Variants in ZNF804B observed in about 807,000 individuals in gnomAD.
ZNF804B encodes zinc finger 804B.
In ZNF804B, 80 loss-of-function variants were observed where a neutral mutation model predicts 101.4. The observed-to-expected ratio is 0.79, with a 90% CI of 0.66 to 0.95. The LOEUF (loss-of-function observed/expected upper bound fraction) is 0.95. Among genes scored for constraint, ZNF804B ranks in the 40% least tolerant of loss-of-function variants. The pLI is 0.00. For missense variants in ZNF804B, 1,673 were observed against 1,561.9 expected (o/e 1.07, Z -1.20); for synonymous variants, 622 against 558.8 (o/e 1.11, Z -1.59).
rs978228990 is a variant in ZNF804B at position 88,956,312 on chromosome 7, T to A, written c.108+196228T>A. Among the ~76,000 whole-genome samples, 4 of 151,692 alleles carry A rather than the reference T, an allele frequency of 2.6e-5. No homozygotes were observed. The Middle Eastern group carries it at 0.014, about 516-fold the overall frequency. ...ATGTTTATTGCACCACTATTAACAA[T>A]TGCCAAGATATGGAATCAATCTAAG... On this transcript the variant is annotated intron_variant, in intron 1 of 3. Coordinates refer to ENST00000333190, the MANE Select transcript of ZNF804B (RefSeq NM_181646.5).
intron 1 of ZNF804B, among the ~76,000 whole-genome samples, chr7:89,064,171 G>A (rs1789417892): frequency 6.6e-6 from 1 of 152,280 alleles, no homozygotes; most frequent in South Asian, 2.1e-4. Flanking sequence ...GTTACCCAGA[G>A]TTGTCCTACC....
chr7:89,230,291 G>A (rs2115736451), intron 2 of ZNF804B, among the ~76,000 whole-genome samples: 1 of 125,456 alleles, frequency 8.0e-6, no homozygotes, highest in South Asian at 2.8e-4. Flanking sequence ...TAAGGAGAGA[G>A]ATAGACATGG....
chr7:89,199,026 T>C (rs902322065), intron 1 of ZNF804B, among the ~76,000 whole-genome samples: 1 of 151,902 alleles, frequency 6.6e-6, no homozygotes, highest in African/African-American at 2.4e-5. Flanking sequence ...ATTAAGTGTC[T>C]GGCTGAGGCT....
chr7:89,093,116 C>T (rs907410504), intron 1 of ZNF804B, among the ~76,000 whole-genome samples: 4 of 152,016 alleles, frequency 2.6e-5, no homozygotes, highest in Non-Finnish European at 4.4e-5. Context: ...AGCTATCTCC[C>T]TTAACTTATT....
rs573982842 is a variant in ZNF804B, at chr7:89,337,178, C to T, written c.*146C>T. 7.0e-6 allele frequency: 6 copies of T among 861,220 alleles called. No individual in the cohort carries two copies. The African/African-American group carries it at 1.0e-4, about 15-fold the overall frequency. 53.3% of individuals were successfully genotyped at this position (861,220 alleles called of 1,614,324 possible). Reference sequence around the variant, plus strand: ...AAATATATAAATATGATCTGAATTGCTAATACTAAAACAAGAGCATTTTAA... The same window carrying T: ...AAATATATAAATATGATCTGAATTGTTAATACTAAAACAAGAGCATTTTAA... On this transcript the variant is annotated 3_prime_UTR_variant, in exon 4 of 4. Coordinates refer to ENST00000333190, the MANE Select transcript of ZNF804B (RefSeq NM_181646.5).
intron 1 of ZNF804B, among the ~76,000 whole-genome samples, chr7:88,811,375 G>A (rs114566201): frequency 5.3e-5 from 8 of 152,280 alleles, no homozygotes; most frequent in Non-Finnish European, 7.4e-5. Context: ...GGAGAGATAC[G>A]AACACTTTTA....
At chr7:88,851,451 C>A (rs1377469866) in intron 1 of ZNF804B, among the ~76,000 whole-genome samples, 1 of 151,994 alleles carries the variant, frequency 6.6e-6, no homozygotes. Flanking sequence ...GGAAACAATG[C>A]AAGCTAAAAG....
At chr7:89,289,314 T>C (rs1030821448) in intron 2 of ZNF804B, among the ~76,000 whole-genome samples, 5 of 151,608 alleles carry the variant, frequency 3.3e-5, no homozygotes, top group African/African-American at 2.4e-5. Flanking sequence ...GTCTGCCCCA[T>C]AGGAACACCA....
chr7:89,049,334 A>G (rs1290274983), intron 1 of ZNF804B, among the ~76,000 whole-genome samples: 1 of 152,168 alleles, frequency 6.6e-6, no homozygotes, highest in African/African-American at 2.4e-5. Context: ...CACAACTGAG[A>G]AGTGTGAATG....
Position 88,967,956 on chromosome 7 carries a change from G to A in ZNF804B, c.108+207872G>A, listed in dbSNP as rs574143230. On this transcript the variant is annotated intron_variant, in intron 1 of 3. Coordinates refer to ENST00000333190, the MANE Select transcript of ZNF804B (RefSeq NM_181646.5). ...TCATCTGATCTTGGAAGCTGAGCAGGGTCTTTGGCTTGGTTGGTAATTTAA... is the reference window on the plus strand; with the variant it reads ...TCATCTGATCTTGGAAGCTGAGCAGAGTCTTTGGCTTGGTTGGTAATTTAA... 2.6e-5 allele frequency among the ~76,000 whole-genome samples: 4 copies of A among 151,490 alleles called. No individual in the cohort carries two copies. In the East Asian group the frequency reaches 7.9e-4, roughly 30 times the overall value.
chr7:88,812,652 G>GTGTGTATGTATATATATGTACA (rs1790807362), intron 1 of ZNF804B, among the ~76,000 whole-genome samples: 1 of 152,184 alleles, frequency 6.6e-6, no homozygotes, highest in Non-Finnish European at 1.5e-5. Flanking sequence ...AAAATGTGGT[G>GTGTGTATGTATATATATGTACA]TGTGTATGTA....
At chr7:88,896,606 C>T (rs1166234744) in intron 1 of ZNF804B, among the ~76,000 whole-genome samples, 1 of 152,018 alleles carries the variant, frequency 6.6e-6, no homozygotes, top group African/African-American at 2.4e-5. Flanking sequence ...TATAAAGTAA[C>T]AGTCGCCTAA....
chr7:88,940,311 A>T (rs1793037727), intron 1 of ZNF804B, among the ~76,000 whole-genome samples: 1 of 152,052 alleles, frequency 6.6e-6, no homozygotes, highest in Admixed American at 6.6e-5. Flanking sequence ...AAGGAAGACA[A>T]GCTAATTTTA....
rs1318828398 is a variant in ZNF804B, at chr7:89,249,775, ATAAC to A, written c.249+31484_249+31487del. On this transcript the variant is annotated intron_variant, in intron 2 of 3. Coordinates refer to ENST00000333190, the MANE Select transcript of ZNF804B (RefSeq NM_181646.5). Reference sequence around the variant, plus strand: ...CTCCTAAGGTAGCTGAAGAAAAAAAATAACTAAAATCACACCAGAAGTGAATGAA... The same window carrying A: ...CTCCTAAGGTAGCTGAAGAAAAAAAATAAAATCACACCAGAAGTGAATGAA... 2.6e-5 allele frequency among the ~76,000 whole-genome samples: 4 copies of A among 152,218 alleles called. No individual in the cohort carries two copies. In the East Asian group the frequency reaches 5.8e-4, roughly 22 times the overall value.
intron 2 of ZNF804B, among the ~76,000 whole-genome samples, chr7:89,222,595 C>T (rs1789021259): frequency 6.6e-6 from 1 of 151,928 alleles, no homozygotes; most frequent in African/African-American, 2.4e-5. Flanking sequence ...TCCAGAATTT[C>T]CTTACAGTTT....
At chr7:89,107,585 T>C (rs1790154308) in intron 1 of ZNF804B, among the ~76,000 whole-genome samples, 1 of 152,116 alleles carries the variant, frequency 6.6e-6, no homozygotes, top group Non-Finnish European at 1.5e-5. Flanking sequence ...AGCGGATACA[T>C]GTGAACAGGA....
At chr7:88,836,685 T>C (rs558610226) in intron 1 of ZNF804B, among the ~76,000 whole-genome samples, 14 of 151,900 alleles carry the variant, frequency 9.2e-5, no homozygotes, top group Non-Finnish European at 1.6e-4. Flanking sequence ...TACTTGAGGG[T>C]CTCTATGCAG....
chr7:88,803,403 T>A (rs1483131511), intron 1 of ZNF804B, among the ~76,000 whole-genome samples: 1 of 152,066 alleles, frequency 6.6e-6, no homozygotes, highest in Non-Finnish European at 1.5e-5. Flanking sequence ...TAAGAAACAG[T>A]CCAGGAATTT....
At chr7:88,977,818 A>G (rs1165384488) in intron 1 of ZNF804B, among the ~76,000 whole-genome samples, 1 of 150,830 alleles carries the variant, frequency 6.6e-6, no homozygotes. Flanking sequence ...AAGATGCATC[A>G]TTAGGTTGTG....
Sources: gnomAD v4.1 joint callset for allele counts (sites outside exome capture counted in the v4.1 genomes callset) on GRCh38, gnomAD v4.1.1 for gene constraint, MANE v1.5 for transcripts, NCBI Gene and HGNC (gene_info 2026-07-23, HGNC 2026-07-21) for gene names.